The following RNF150 variants were observed in gnomAD, a reference collection of about 807,000 sequenced individuals.
The protein encoded by RNF150 is ring finger protein 150.
RNF150 carries 24 observed loss-of-function variants against 39.3 expected under a neutral mutation model. The ratio of observed to expected loss-of-function variants is 0.61; its 90% confidence interval spans 0.44 to 0.86. The LOEUF is 0.86. RNF150 is among the 40% of genes least tolerant of loss of function. The pLI is 0.00. For synonymous variants in RNF150, 255 were observed against 227.3 expected (o/e 1.12, Z -1.10); for missense variants, 502 against 587.8 (o/e 0.85, Z 1.51).
At chr4:141,053,072 A>G (rs1367403025) in intron 1 of RNF150, among the ~76,000 whole-genome samples, 1 of 152,162 alleles carries the variant, frequency 6.6e-6, no homozygotes, top group Non-Finnish European at 1.5e-5. Flanking sequence ...ATTAAAGATA[A>G]ATGAAAAGTG....
chr4:141,040,669 A>G (rs1736322789), intron 1 of RNF150, among the ~76,000 whole-genome samples: 1 of 152,134 alleles, frequency 6.6e-6, no homozygotes, highest in South Asian at 2.1e-4. Flanking sequence ...AAACCAAGGA[A>G]TCTGGTCCTC....
intron 1 of RNF150, among the ~76,000 whole-genome samples, chr4:141,180,646 G>T (rs1463377866): frequency 6.6e-6 from 1 of 151,896 alleles, no homozygotes; most frequent in Non-Finnish European, 1.5e-5. Flanking sequence ...TCTCTGTTTG[G>T]TGCCATACTC....
At position 140,953,467 on chromosome 4, in the gene RNF150, G is replaced by A. The variant is rs1732616002; in HGVS notation, c.736-4095C>T. ...AGAACAGATGGTCCAGATACCTGGG[G>A]AAGGAAAATCAGCTTCTGAGATGTA... On this transcript the variant is annotated intron_variant, in intron 2 of 6. Coordinates refer to ENST00000515673, the MANE Select transcript of RNF150 (RefSeq NM_020724.2). Among the ~76,000 whole-genome samples the A allele has an allele frequency of 2.0e-5, 3 of 152,246 alleles. No individual in the cohort carries two copies. The South Asian group carries it at 6.2e-4, about 32-fold the overall frequency.
rs998409325 is a variant in RNF150, at chr4:141,057,659, T to C, written c.484+74666A>G. Among the ~76,000 whole-genome samples the C allele has an allele frequency of 4.6e-5, 7 of 152,250 alleles. 1 individual carries two copies. The highest frequency in any genetic ancestry group is 2.6e-4 in the Admixed American group (4 of 15,276). ...AATACATACCCTACTAGCCTCCCAGTGGACCTCCTTGGTTTCCTGATAACC... is the reference window on the plus strand; with the variant it reads ...AATACATACCCTACTAGCCTCCCAGCGGACCTCCTTGGTTTCCTGATAACC... On this transcript the variant is annotated intron_variant, in intron 1 of 6. Coordinates refer to ENST00000515673, the MANE Select transcript of RNF150 (RefSeq NM_020724.2).
chr4:140,871,002 C>CTCTA (rs1477121205), intron 6 of RNF150, among the ~76,000 whole-genome samples: 4 of 144,274 alleles, frequency 2.8e-5, no homozygotes, highest in African/African-American at 8.1e-5. Flanking sequence ...CTCTCTCTCT[C>CTCTA]TATATATATA....
intron 6 of RNF150, among the ~76,000 whole-genome samples, chr4:140,873,931 G>C (rs1729049514): frequency 6.6e-6 from 1 of 152,070 alleles, no homozygotes; most frequent in African/African-American, 2.4e-5. Flanking sequence ...GCCTTGCCCT[G>C]CTGGGATTAC....
At chr4:141,062,304 T>A (rs1159956596) in intron 1 of RNF150, among the ~76,000 whole-genome samples, 2 of 152,134 alleles carry the variant, frequency 1.3e-5, no homozygotes, top group Non-Finnish European at 2.9e-5. Context: ...ATACATGATA[T>A]AAAGATAAAC....
intron 1 of RNF150, among the ~76,000 whole-genome samples, chr4:140,982,276 T>C (rs188990388): frequency 1.3e-4 from 20 of 152,210 alleles, no homozygotes; most frequent in Non-Finnish European, 2.8e-4. Context: ...TTATTCATCA[T>C]CATCACTGAA....
At position 141,053,580 on chromosome 4, in the gene RNF150, G is replaced by A. The variant is rs963722512; in HGVS notation, c.484+78745C>T. 3.5e-5 allele frequency: 21 copies of A among 598,086 alleles called. No individual in the cohort carries two copies. In the African/African-American group the frequency reaches 4.0e-4, roughly 12 times the overall value. The allele number at this position is 598,086 out of a possible 1,614,324, so 37.0% of individuals were successfully genotyped here. A position where few individuals can be genotyped will look rare whatever the true frequency, so the allele number is the denominator to read the frequency against. ...TATTTAAATTGGGAGATATAATGGGGAAAGAAAATTGATTAGAAAGTTAAG... is the reference window on the plus strand; with the variant it reads ...TATTTAAATTGGGAGATATAATGGGAAAAGAAAATTGATTAGAAAGTTAAG... On this transcript the variant is annotated intron_variant, in intron 1 of 6. Transcript: ENST00000515673.
At chr4:141,156,577 G>A (rs1291599200) in intron 1 of RNF150, among the ~76,000 whole-genome samples, 1 of 151,970 alleles carries the variant, frequency 6.6e-6, no homozygotes, top group Non-Finnish European at 1.5e-5. Context: ...CACTGCTCCT[G>A]GCTGATATTA....
In RNF150 at chr4:140,949,215, C is replaced by T. The variant is rs1027812328; in HGVS notation, c.807+86G>A. On this transcript the variant is annotated intron_variant, in intron 3 of 6. Transcript: ENST00000515673. Reference sequence around the variant, plus strand: ...TTAGCATATATTTCCCTTTCCCATCCTTTCCTCTCTTCCACCCTGGCTATA... The same window carrying T: ...TTAGCATATATTTCCCTTTCCCATCTTTTCCTCTCTTCCACCCTGGCTATA... 1.0e-5 allele frequency: 10 copies of T among 966,930 alleles called. No individual in the cohort carries two copies. The African/African-American group carries it at 1.5e-4, about 14-fold the overall frequency. The allele number at this position is 966,930 out of a possible 1,614,324, so 59.9% of individuals were successfully genotyped here.
chr4:140,920,214 G>A (rs1450961603), intron 5 of RNF150, among the ~76,000 whole-genome samples: 1 of 149,210 alleles, frequency 6.7e-6, no homozygotes, highest in Non-Finnish European at 1.5e-5. Context: ...AAGAGCTTCT[G>A]CACAGTGAAA....
chr4:140,911,414 C>T, intron 5 of RNF150, 60 bp from the exon 6 acceptor site: 1 of 1,389,592 alleles, frequency 7.2e-7, no homozygotes, highest in Non-Finnish European at 1.0e-6. Flanking sequence ...GATTAAATGT[C>T]TATAGCCTAA....
At chr4:140,902,206 A>G (rs548236103) in intron 6 of RNF150, among the ~76,000 whole-genome samples, 1 of 152,330 alleles carries the variant, frequency 6.6e-6, no homozygotes, top group East Asian at 1.9e-4. Context: ...ACATGGAGAG[A>G]TATTTAAAAG....
chr4:141,156,130 TC>T (rs1727393221), intron 1 of RNF150, among the ~76,000 whole-genome samples: 1 of 151,866 alleles, frequency 6.6e-6, no homozygotes, highest in Admixed American at 6.6e-5. Flanking sequence ...GGACCTTCCA[TC>T]CCATCATGGC....
Position 141,132,481 on chromosome 4 carries a change from C to A in RNF150, c.328G>T (p.Ala110Ser). 1.9e-6 allele frequency: 3 copies of A among 1,608,216 alleles called. No individual in the cohort carries two copies. Among genetic ancestry groups the A allele is most frequent in the Non-Finnish European group, 2.5e-6 (3 of 1,178,080 alleles). ...ATCCAGTTCTTGCCGCGGGTCGGGG[C>A]GGCGAACTTGGTGTTGGGGTCGCAG... ...LACDPNTKFA[A>S]PTRGKNWIAL... Residue 110 changes from alanine (A) to serine (S), a missense_variant, in exon 1 of 7, where the codon GCC becomes TCC. Ala to Ser is a moderately conservative substitution (Grantham distance 99, BLOSUM62 1). Transcript: ENST00000515673. This position sits in a 1 kb window ranked among gnomAD's most constrained non-coding sequence, Gnocchi z 4.9.
intron 1 of RNF150, among the ~76,000 whole-genome samples, chr4:141,148,977 C>A (rs1228351542): frequency 6.6e-6 from 1 of 152,116 alleles, no homozygotes; most frequent in East Asian, 1.9e-4. Context: ...ATTGAAGTCA[C>A]CTTGCCTTGG....
chr4:141,153,957 T>A (rs1403799068), intron 1 of RNF150, among the ~76,000 whole-genome samples: 1 of 152,244 alleles, frequency 6.6e-6, no homozygotes, highest in Non-Finnish European at 1.5e-5. Context: ...TGCCACTTAT[T>A]AGTTGTCTGC....
intron 5 of RNF150, among the ~76,000 whole-genome samples, chr4:140,918,987 C>G (rs148458823): frequency 2.1e-3 from 314 of 152,046 alleles, no homozygotes; most frequent in African/African-American, 6.6e-3. Flanking sequence ...ATTCAACAAC[C>G]ATTCATGCTA....
Sources: gnomAD v4.1 joint callset for allele counts (sites outside exome capture counted in the v4.1 genomes callset) on GRCh38, gnomAD v4.1.1 for gene constraint, Gnocchi (gnomAD v3.1) non-coding constraint, MANE v1.5 for transcripts, NCBI Gene and HGNC (gene_info 2026-07-23, HGNC 2026-07-21) for gene names.